CENATAC: variants seen among roughly 807,000 people sequenced by gnomAD.
CENATAC encodes centrosomal AT-AC splicing factor, also known as coiled-coil domain containing 84.
A neutral mutation model predicts 53.7 loss-of-function variants in CENATAC; 53 were observed. That is an observed-to-expected ratio of 0.99 (90% CI 0.79 to 1.24). The LOEUF (loss-of-function observed/expected upper bound fraction) is 1.24. CENATAC is among the 50% of genes most tolerant of loss of function. The pLI is 0.00. For synonymous variants in CENATAC, 156 were observed against 144.6 expected (o/e 1.08, Z -0.57); for missense variants, 474 against 417.8 (o/e 1.13, Z -1.17).
chr11:119,008,905 C>T lies in CENATAC; in HGVS notation c.384-1859C>T, dbSNP rs560999741. Among the ~76,000 whole-genome samples the T allele has an allele frequency of 9.8e-5, 15 of 152,318 alleles. No individual in the cohort carries two copies. The East Asian group carries it at 2.7e-3, about 27-fold the overall frequency. On this transcript the variant is annotated intron_variant, in intron 3 of 10. Transcript: ENST00000334418. The stretch of plus-strand genomic sequence containing the variant: ...TATTTTGTTAACAAGGCACGTCCTA[C>T]ACAGCCCTAGGTCCCTTAAACCTTG...
At chr11:119,011,525 G>T (rs975044634) in intron 5 of CENATAC, among the ~76,000 whole-genome samples, 4 of 152,086 alleles carry the variant, frequency 2.6e-5, no homozygotes, top group Admixed American at 6.6e-5. Context: ...GATTACAGGT[G>T]CCGCCACCAC....
At chr11:119,000,711 C>T (rs1393230979) in intron 3 of CENATAC, among the ~76,000 whole-genome samples, 1 of 151,678 alleles carries the variant, frequency 6.6e-6, no homozygotes, top group South Asian at 2.1e-4. Context: ...GAGCCGAGAT[C>T]GCACCACTTC....
At chr11:119,007,345 G>A (rs901088138) in intron 3 of CENATAC, among the ~76,000 whole-genome samples, 13 of 151,950 alleles carry the variant, frequency 8.6e-5, no homozygotes, top group Admixed American at 2.6e-4. Context: ...CACCACGCCC[G>A]GCTCATTTTT....
intron 3 of CENATAC, among the ~76,000 whole-genome samples, chr11:119,002,794 G>GT (rs1177155516): frequency 6.7e-6 from 1 of 149,770 alleles, no homozygotes; most frequent in Non-Finnish European, 1.5e-5. Context: ...AATATTTCAG[G>GT]TTTTTTTTCA....
intron 3 of CENATAC, among the ~76,000 whole-genome samples, chr11:119,008,369 G>C (rs1565665183): frequency 1.3e-5 from 2 of 152,210 alleles, no homozygotes; most frequent in Non-Finnish European, 2.9e-5. Flanking sequence ...AATTACATGT[G>C]AGCAAAAGAA....
rs782176792 is a variant in CENATAC, at chr11:119,015,112, T to C, written c.805+29T>C. The C allele has an allele frequency of 5.1e-6, 8 of 1,559,164 alleles. No individual in the cohort carries two copies. The Admixed American group carries it at 1.4e-4, about 28-fold the overall frequency. On this transcript the variant is annotated intron_variant, in intron 9 of 10. Transcript: ENST00000334418. ...AGTAAACTAATTCAAGAGAGGATCG[T>C]CTAAATCTTCACACTCAAAAATGGT...
chr11:118,998,618 T>G (rs1942133032), intron 2 of CENATAC, 25 bp downstream of exon 2: 1 of 1,552,200 alleles, frequency 6.4e-7, no homozygotes, highest in Non-Finnish European at 8.7e-7. Context: ...AGGAGCCTGC[T>G]CCAGCACAGA....
chr11:119,013,926 C>T (rs1291158703), intron 8 of CENATAC: 1 of 152,116 alleles, frequency 6.6e-6, no homozygotes, highest in Non-Finnish European at 1.5e-5. Flanking sequence ...CAAATTAAAA[C>T]CACAGTGAAA....
At chr11:119,001,002 C>T (rs977048635) in intron 3 of CENATAC, among the ~76,000 whole-genome samples, 2 of 152,210 alleles carry the variant, frequency 1.3e-5, no homozygotes, top group Admixed American at 6.5e-5. Flanking sequence ...AACAATTCAG[C>T]TTTTTCTTGT....
In CENATAC at chr11:119,003,636, T is replaced by TTC. The variant is rs1430820915; in HGVS notation, c.383+4528_383+4529insCT. 1.4e-5 allele frequency: 3 copies of TTC among 217,438 alleles called. No individual in the cohort carries two copies. The Admixed American group carries it at 1.7e-4, about 12-fold the overall frequency. The allele number at this position is 217,438 out of a possible 1,614,324, so 13.5% of individuals were successfully genotyped here. On this transcript the variant is annotated intron_variant, in intron 3 of 10. Coordinates refer to ENST00000334418, the MANE Select transcript of CENATAC (RefSeq NM_198489.3). The stretch of plus-strand genomic sequence containing the variant: ...ATTTCTCTCTCTTTTTTTTTTTTTT[T>TTC]TTTGGGAGACAGAGTCTTGTTCTGT...
At chr11:119,006,868 T>C (rs908719596) in intron 3 of CENATAC, among the ~76,000 whole-genome samples, 9 of 152,220 alleles carry the variant, frequency 5.9e-5, no homozygotes, top group African/African-American at 2.2e-4. Context: ...GATCTGATGA[T>C]TTTATAAGGG....
Position 119,013,486 on chromosome 11 carries a change from C to T in CENATAC, c.715+224C>T, listed in dbSNP as rs28417296. Among the ~76,000 whole-genome samples the T allele has an allele frequency of 9.3e-3, 1,253 of 134,410 alleles. 21 individuals carry two copies. The highest frequency in any genetic ancestry group is 0.034 in the African/African-American group (1,171 of 34,870). The allele number at this position is 134,410 out of a possible 152,430, so 88.2% of individuals were successfully genotyped here. On this transcript the variant is annotated intron_variant, in intron 8 of 10. Coordinates refer to ENST00000334418, the MANE Select transcript of CENATAC (RefSeq NM_198489.3). ...AATTTTTTTTTTTTTTTTTTTGAGA[C>T]GGAGTCTCGCTCTGTCGCCCAGGCT...
intron 8 of CENATAC, among the ~76,000 whole-genome samples, chr11:119,013,515 G>A (rs1592079388): frequency 1.3e-5 from 2 of 148,692 alleles, no homozygotes; most frequent in East Asian, 3.9e-4. Context: ...CCAGGCTGGA[G>A]TGCAGTGGCG....
In CENATAC at chr11:118,998,212, G is replaced by C; in HGVS notation, c.15G>C (p.Gln5His). The C allele has an allele frequency of 6.3e-7, 1 of 1,581,886 alleles. No homozygotes were observed. The highest frequency in any genetic ancestry group is 1.1e-5 in the South Asian group (1 of 87,052). ...GTACCCGGGCTATGGCGCCGGCGCA[G>C]CGCTGCCCTCTGTGCCGCCAGACCT... MAPA[Q>H]RCPLCRQTFF... Residue 5 changes from glutamine (Q) to histidine (H), a missense_variant, in exon 1 of 11, where the codon CAG becomes CAC. Gln to His is a conservative substitution (Grantham distance 24). Transcript: ENST00000334418.
chr11:119,010,566 T>A (rs899929318), intron 3 of CENATAC, 198 bp from the exon 4 acceptor site: 1 of 547,166 alleles, frequency 1.8e-6, no homozygotes, highest in Non-Finnish European at 3.3e-6. Context: ...AAAAAGGACG[T>A]GTGTCTGTAC....
intron 3 of CENATAC, among the ~76,000 whole-genome samples, chr11:119,007,779 G>C (rs1442273995): frequency 6.6e-6 from 1 of 152,174 alleles, no homozygotes; most frequent in African/African-American, 2.4e-5. Context: ...GAGCCACTGT[G>C]CCCAGCCTAA....
intron 3 of CENATAC, chr11:119,001,740 G>A (rs1303317061): frequency 4.4e-6 from 2 of 452,522 alleles, no homozygotes; most frequent in Non-Finnish European, 8.9e-6. Flanking sequence ...TCTCAAAAAG[G>A]AATGCCTAAA....
At position 119,015,303 on chromosome 11, in the gene CENATAC, A is replaced by T. The variant is rs964218987; in HGVS notation, c.806-4A>T. On this transcript the variant is annotated splice_region_variant and splice_polypyrimidine_tract_variant and intron_variant, in intron 9 of 10. Coordinates refer to ENST00000334418, the MANE Select transcript of CENATAC (RefSeq NM_198489.3). ...AAAATAAAAGTTTCCCTATCATTGT[A>T]CAGAGGAAAAACAGAAGTTGAAAAA... is the stretch of plus-strand genomic sequence containing the variant. 1.2e-5 allele frequency: 20 copies of T among 1,608,954 alleles called. No individual in the cohort carries two copies. Among genetic ancestry groups the T allele is most frequent in the Non-Finnish European group, 1.7e-5 (20 of 1,178,302 alleles).
chr11:118,998,901 G>A, intron 2 of CENATAC, 110 bp from the exon 3 acceptor site: 1 of 809,954 alleles, frequency 1.2e-6, no homozygotes, highest in Non-Finnish European at 2.0e-6. Flanking sequence ...TCTCTCAGCC[G>A]TGCCCCAGGC....
Sources: gnomAD v4.1 joint callset for allele counts (sites outside exome capture counted in the v4.1 genomes callset) on GRCh38, gnomAD v4.1.1 for gene constraint, MANE v1.5 for transcripts, NCBI Gene and HGNC (gene_info 2026-07-23, HGNC 2026-07-21) for gene names.